Variants in PPP4R2 observed in about 807,000 individuals in gnomAD.
The protein encoded by PPP4R2 is serine/threonine-protein phosphatase 4 regulatory subunit 2.
A neutral mutation model predicts 47.2 loss-of-function variants in PPP4R2; 13 were observed. The ratio of observed to expected loss-of-function variants is 0.28; its 90% CI spans 0.18 to 0.44. The LOEUF (loss-of-function observed/expected upper bound fraction) is 0.44, where lower values mean the gene tolerates loss of function less well. Among genes scored for constraint, PPP4R2 ranks in the 20% least tolerant of loss-of-function variants. The pLI is 1.00. For synonymous variants in PPP4R2, 151 were observed against 163.3 expected (o/e 0.92, Z 0.57); for missense variants, 421 against 491.2 (o/e 0.86, Z 1.35).
chr3:73,041,265 A>G (rs1038146462), intron 2 of PPP4R2, among the ~76,000 whole-genome samples: 3 of 152,238 alleles, frequency 2.0e-5, no homozygotes, highest in Non-Finnish European at 2.9e-5. Flanking sequence ...ATGATGTGGA[A>G]TGATAATGTA....
chr3:73,062,962 T>C (rs1396391081), intron 5 of PPP4R2: 1 of 1,409,616 alleles, frequency 7.1e-7, no homozygotes, highest in Non-Finnish European at 9.9e-7. Flanking sequence ...GATCAGTGCA[T>C]GGATGGCTCC....
At chr3:73,007,364 C>T (rs947050159) in intron 2 of PPP4R2, among the ~76,000 whole-genome samples, 8 of 152,086 alleles carry the variant, frequency 5.3e-5, no homozygotes, top group African/African-American at 1.4e-4. Context: ...AAGTAGTTAT[C>T]GACAACTAAG....
At chr3:73,037,880 T>A (rs553812721) in intron 2 of PPP4R2, among the ~76,000 whole-genome samples, 1 of 152,362 alleles carries the variant, frequency 6.6e-6, no homozygotes, top group Admixed American at 6.5e-5. Flanking sequence ...AGTCTGGTTT[T>A]CCAAATGAAT....
chr3:73,048,823 G>A (rs558069757), intron 3 of PPP4R2, among the ~76,000 whole-genome samples: 4 of 152,210 alleles, frequency 2.6e-5, no homozygotes, highest in South Asian at 2.1e-4. Flanking sequence ...TCCAGTTAAC[G>A]GTTTGCTTTA....
At chr3:73,006,434 C>A (rs995698205) in intron 2 of PPP4R2, among the ~76,000 whole-genome samples, 1 of 152,082 alleles carries the variant, frequency 6.6e-6, no homozygotes, top group Non-Finnish European at 1.5e-5. Flanking sequence ...TCGTAATCCA[C>A]CTGCCTCGGC....
At chr3:73,044,749 ATCT>A (rs1432605508) in intron 2 of PPP4R2, among the ~76,000 whole-genome samples, 1 of 152,186 alleles carries the variant, frequency 6.6e-6, no homozygotes, top group Non-Finnish European at 1.5e-5. Context: ...CTATTTGTAT[ATCT>A]TCTTTGGAGA....
intron 2 of PPP4R2, among the ~76,000 whole-genome samples, chr3:73,039,663 C>T (rs1702337265): frequency 6.6e-6 from 1 of 152,126 alleles, no homozygotes; most frequent in Admixed American, 6.6e-5. Flanking sequence ...GGGTGGTGTG[C>T]TGCAGGTTTC....
At position 73,066,270 on chromosome 3, in the gene PPP4R2, G is replaced by C. The variant is rs1334367202; in HGVS notation, c.*548G>C. ...TATATATATATATATATAATTCTAA[G>C]GGGGGAAATGTTATATTTTTCTGTT... On this transcript the variant is annotated 3_prime_UTR_variant, in exon 9 of 9. Coordinates refer to ENST00000356692, the MANE Select transcript of PPP4R2 (RefSeq NM_174907.4). 1 of 114,960 alleles carries C rather than the reference G, an allele frequency of 8.7e-6. No individual in the cohort carries two copies. Among genetic ancestry groups the C allele is most frequent in the Non-Finnish European group, 1.9e-5 (1 of 52,388 alleles). The allele number at this position is 114,960 out of a possible 1,614,324, so 7.1% of individuals were successfully genotyped here.
At chr3:73,054,824 TA>T (rs901491077) in intron 3 of PPP4R2, among the ~76,000 whole-genome samples, 1 of 152,222 alleles carries the variant, frequency 6.6e-6, no homozygotes, top group African/African-American at 2.4e-5. Context: ...AGTACTTTTA[TA>T]GAAATTTAGG....
intron 2 of PPP4R2, among the ~76,000 whole-genome samples, chr3:73,001,742 G>A (rs1018487038): frequency 4.0e-5 from 6 of 151,888 alleles, no homozygotes; most frequent in African/African-American, 7.3e-5. Context: ...GAGTTCAAGC[G>A]ATTCTCCTGC....
chr3:73,045,787 G>T (rs1025597883), intron 2 of PPP4R2, among the ~76,000 whole-genome samples: 1 of 152,122 alleles, frequency 6.6e-6, no homozygotes, highest in African/African-American at 2.4e-5. Flanking sequence ...GGGTTTACAG[G>T]TGTGAGCCAT....
At chr3:73,028,568 GTAGC>G (rs1702111832) in intron 2 of PPP4R2, among the ~76,000 whole-genome samples, 1 of 151,984 alleles carries the variant, frequency 6.6e-6, no homozygotes, top group Admixed American at 6.6e-5. Context: ...AGCCTCCCGA[GTAGC>G]TGGGACTACA....
chr3:72,997,961 A>G (rs1575831134), intron 1 of PPP4R2, 116 bp from the exon 2 acceptor site: 1 of 756,942 alleles, frequency 1.3e-6, no homozygotes, highest in South Asian at 1.6e-5. Context: ...GAGAGGCCTT[A>G]TTTTTTTAAT....
rs1701777507 is a variant in PPP4R2, at chr3:73,014,083, C to G, written c.116+15925C>G. 1.5e-5 allele frequency among the ~76,000 whole-genome samples: 2 copies of G among 129,890 alleles called. 1 individual carries two copies. The highest frequency in any genetic ancestry group is 1.5e-4 in the Admixed American group (2 of 13,224). 85.2% of individuals were successfully genotyped at this position (129,890 alleles called of 152,430 possible). A position where few individuals can be genotyped will look rare whatever the true frequency, so the allele number is the denominator to read the frequency against. ...GGCAGTTTACAGTTACCAACCAATT[C>G]AAACAGTGCTTAAGTTAATATACTG... On this transcript the variant is annotated intron_variant, in intron 2 of 8. Coordinates refer to ENST00000356692, the MANE Select transcript of PPP4R2 (RefSeq NM_174907.4).
chr3:73,039,645 A>G (rs1702336848), intron 2 of PPP4R2, among the ~76,000 whole-genome samples: 5 of 152,228 alleles, frequency 3.3e-5, no homozygotes, highest in Admixed American at 2.6e-4. Flanking sequence ...GGTTGTCACA[A>G]CTGGAGTGGG....
chr3:73,010,890 A>G (rs1701710216), intron 2 of PPP4R2, among the ~76,000 whole-genome samples: 1 of 152,200 alleles, frequency 6.6e-6, no homozygotes. Context: ...ATTTTGTGTC[A>G]GACATTATCA....
rs115149025 is a variant in PPP4R2, at chr3:73,005,711, G to A, written c.116+7553G>A. On this transcript the variant is annotated intron_variant, in intron 2 of 8. Transcript: ENST00000356692. ...TAAAAATACAAAATTTGCTGGGTGC[G>A]GTGCATGCTTGTAATCCCAGCTACT... 7.3e-3 allele frequency among the ~76,000 whole-genome samples: 1,103 copies of A among 151,786 alleles called. 8 individuals are homozygous for A. The highest frequency in any genetic ancestry group is 9.6e-3 in the Non-Finnish European group (655 of 67,940).
At chr3:73,044,220 T>TTTG (rs35270798) in intron 2 of PPP4R2, among the ~76,000 whole-genome samples, 76,446 of 150,868 alleles carry the variant, frequency 0.51, 19,614 homozygotes, top group South Asian at 0.57. Flanking sequence ...TTTCATAATT[T>TTTG]TTGTTGTTGT....
At chr3:73,002,629 CTTTTCTTTTTTTTTT>C (rs1461320784) in intron 2 of PPP4R2, among the ~76,000 whole-genome samples, 22 of 83,008 alleles carry the variant, frequency 2.7e-4, no homozygotes, top group South Asian at 1.7e-3. Context: ...CTTTTCTTTT[CTTTTCTTTTTTTTTT>C]TTTTTTTTTT....
Sources: gnomAD v4.1 joint callset for allele counts (sites outside exome capture counted in the v4.1 genomes callset) on GRCh38, gnomAD v4.1.1 for gene constraint, MANE v1.5 for transcripts, NCBI Gene and HGNC (gene_info 2026-07-23, HGNC 2026-07-21) for gene names.